PABPC1L: variants seen among roughly 807,000 people sequenced by gnomAD.
The protein encoded by PABPC1L is polyadenylate-binding protein 1-like.
PABPC1L carries 31 observed loss-of-function variants against 66.6 expected under a neutral mutation model. That is an observed-to-expected ratio of 0.47 (90% confidence interval 0.35 to 0.63). PABPC1L has a LOEUF of 0.63. PABPC1L is among the 20% of genes least tolerant of loss of function. PABPC1L has a pLI of 0.00. For missense variants in PABPC1L, 722 were observed against 848.8 expected (o/e 0.85, Z 1.86); for synonymous variants, 348 against 335.1 (o/e 1.04, Z -0.42).
At chr20:44,928,864 C>CAAAAAAAAA (rs10597679) in intron 7 of PABPC1L, among the ~76,000 whole-genome samples, 22 of 54,332 alleles carry the variant, frequency 4.0e-4, no homozygotes, top group African/African-American at 1.0e-3. Flanking sequence ...GATCCTGACT[C>CAAAAAAAAA]AAAAAAAAAA....
chr20:44,931,023 C>CT (rs1394382470), intron 8 of PABPC1L, among the ~76,000 whole-genome samples: 3 of 59,568 alleles, frequency 5.0e-5, no homozygotes, highest in African/African-American at 2.0e-4. Context: ...CTTCCCTTCC[C>CT]TCCCTTCCCT....
At chr20:44,923,602 C>G (rs950047403) in intron 6 of PABPC1L, among the ~76,000 whole-genome samples, 1 of 151,462 alleles carries the variant, frequency 6.6e-6, no homozygotes, top group Non-Finnish European at 1.5e-5. Flanking sequence ...GCACTCCAGC[C>G]TAGGCAACAA....
chr20:44,933,120 A>T lies in PABPC1L; in HGVS notation c.1394A>T (p.His465Leu). Reference protein sequence around the residue: ...PPVVPRRPPAHISSVRQASTQ... With the variant: ...PPVVPRRPPALISSVRQASTQ... ...GTTGTGCCTCGGCGCCCCCCGGCCC[A>T]CATCAGCAGTGTCAGGCAGGCCTCC... Residue 465 changes from histidine (H) to leucine (L), a missense_variant, in exon 10 of 15, where the codon CAC becomes CTC. Transcript: ENST00000217073. 6.2e-7 allele frequency: 1 copy of T among 1,609,376 alleles called. No individual in the cohort carries two copies.
chr20:44,932,227 T>G (rs1239500261), intron 8 of PABPC1L, 115 bp from the exon 9 acceptor site: 3 of 691,806 alleles, frequency 4.3e-6, no homozygotes, highest in Non-Finnish European at 4.7e-6. Flanking sequence ...GGGTCTTGAC[T>G]CACCAGTCCC....
chr20:44,917,224 C>G (rs1181313871), intron 3 of PABPC1L, among the ~76,000 whole-genome samples: 1 of 152,088 alleles, frequency 6.6e-6, no homozygotes, highest in African/African-American at 2.4e-5. Flanking sequence ...GCTATGTAGC[C>G]CAGGCTGGAG....
At chr20:44,914,203 A>ATTT (rs2066723248) in intron 2 of PABPC1L, among the ~76,000 whole-genome samples, 6 of 105,928 alleles carry the variant, frequency 5.7e-5, no homozygotes, top group African/African-American at 1.3e-4. Context: ...ATGTGTCAGA[A>ATTT]CTTTTTTTTT....
At chr20:44,921,786 G>A (rs554448509) in intron 6 of PABPC1L, 55 bp downstream of exon 6, 18 of 1,602,396 alleles carry the variant, frequency 1.1e-5, no homozygotes, top group East Asian at 2.2e-5. Context: ...GCTGTGTGTC[G>A]GGGGCCCTGA....
rs552732118 is a variant in PABPC1L, at chr20:44,910,104, C to T, written c.-40C>T. ...GTGAGCGCGGGGCTGCTGGGTGACC[C>T]GGCTCCTGCTTGCCCCGCAGCCCCG... On this transcript the variant is annotated 5_prime_UTR_variant, in exon 1 of 15. Transcript: ENST00000217073. 1.2e-4 allele frequency: 177 copies of T among 1,505,466 alleles called. 1 individual carries two copies. Among genetic ancestry groups the T allele is most frequent in the Admixed American group, 3.9e-4 (19 of 48,698 alleles). The allele number at this position is 1,505,466 out of a possible 1,614,324, so 93.3% of individuals were successfully genotyped here.
At chr20:44,930,078 C>T (rs1357990193) in intron 7 of PABPC1L, among the ~76,000 whole-genome samples, 1 of 152,092 alleles carries the variant, frequency 6.6e-6, no homozygotes, top group African/African-American at 2.4e-5. Flanking sequence ...GTGGGAGCCG[C>T]GATGCCTCCC....
At chr20:44,935,312 G>GTTGTT (rs756008402) in intron 10 of PABPC1L, 79 bp from the exon 11 acceptor site, 200 of 1,016,278 alleles carry the variant, frequency 2.0e-4, no homozygotes, top group African/African-American at 1.9e-4. Context: ...CTGTTTTGGT[G>GTTGTT]TTGTTTTGTT....
intron 6 of PABPC1L, among the ~76,000 whole-genome samples, chr20:44,923,527 G>A (rs576937415): frequency 2.1e-4 from 32 of 152,150 alleles, no homozygotes; most frequent in Admixed American, 1.8e-3. Context: ...TACTTGGGAG[G>A]CTGAGGCAGG....
intron 10 of PABPC1L, among the ~76,000 whole-genome samples, chr20:44,934,471 A>G (rs2066885422): frequency 6.6e-6 from 1 of 152,082 alleles, no homozygotes; most frequent in South Asian, 2.1e-4. Flanking sequence ...TACCCATCAA[A>G]CCATAACTTC....
chr20:44,918,997 C>T lies in PABPC1L; in HGVS notation c.595C>T (p.Pro199Ser), dbSNP rs750102053. 1 of 1,613,590 alleles carries T rather than the reference C, an allele frequency of 6.2e-7. No individual in the cohort carries two copies. Among genetic ancestry groups the T allele is most frequent in the Non-Finnish European group, 8.5e-7 (1 of 1,179,780 alleles). ...EFTNIYVKNL[P>S]VDVDEQGLQD... ...CACCAACATCTACGTGAAGAACCTC[C>T]CGGTGGATGTGGACGAGCAAGGCCT... Residue 199 changes from proline (P) to serine (S), a missense_variant, in exon 4 of 15, where the codon CCG becomes TCG. Physicochemically the swap from Pro to Ser is moderately conservative, Grantham distance 74. Around this residue, in one of 3 missense-constraint regions of PABPC1L, gnomAD observed 284 missense variants for 294.8 expected, o/e 0.96. Transcript: ENST00000217073.
chr20:44,936,807 C>G, intron 12 of PABPC1L, 77 bp downstream of exon 12: 1 of 1,415,444 alleles, frequency 7.1e-7, no homozygotes, highest in South Asian at 1.2e-5. Context: ...AAACACCTCA[C>G]CTGGTGGTCC....
At chr20:44,919,650 G>C (rs2066759846) in intron 5 of PABPC1L, among the ~76,000 whole-genome samples, 1 of 152,156 alleles carries the variant, frequency 6.6e-6, no homozygotes, top group African/African-American at 2.4e-5. Flanking sequence ...CCAGTGGTTT[G>C]AGTCCAGCCT....
At chr20:44,926,682 G>A (rs2066812020) in intron 7 of PABPC1L, among the ~76,000 whole-genome samples, 1 of 152,000 alleles carries the variant, frequency 6.6e-6, no homozygotes, top group South Asian at 2.1e-4. Context: ...GAGTAGCTGG[G>A]ATTACAGGCG....
Position 44,919,220 on chromosome 20 carries a change from C to T in PABPC1L, c.681C>T (p.Ser227=), listed in dbSNP as rs112082172. ...GTGTGAAGGTGATGAGGGACAACAG[C>T]GGCCACTCGCGGTGCTTTGGCTTTG... ...MLSVKVMRDN[S]GHSRCFGFVN... The change falls in exon 5 of 15, where the codon AGC becomes AGT. Residue 227 remains serine, a synonymous_variant. Transcript: ENST00000217073. The T allele has an allele frequency of 2.4e-5, 38 of 1,614,198 alleles. No individual in the cohort carries two copies. In the East Asian group the frequency reaches 3.8e-4, roughly 16 times the overall value.
chr20:44,915,677 TA>T (rs1322149024), intron 2 of PABPC1L, among the ~76,000 whole-genome samples: 1 of 151,726 alleles, frequency 6.6e-6, no homozygotes, highest in African/African-American at 2.4e-5. Flanking sequence ...CATGCACCTG[TA>T]ATCTCAGCTA....
At chr20:44,916,716 T>C (rs766331095) in intron 2 of PABPC1L, 40 bp from the exon 3 acceptor site, 2 of 1,592,690 alleles carry the variant, frequency 1.3e-6, no homozygotes, top group South Asian at 2.2e-5. Flanking sequence ...ACCTGAACCC[T>C]CTGTCAGTAC....
Sources: gnomAD v4.1 joint callset for allele counts (sites outside exome capture counted in the v4.1 genomes callset) on GRCh38, gnomAD v4.1.1 for gene constraint, gnomAD v4.1.1 regional missense constraint, MANE v1.5 for transcripts, NCBI Gene and HGNC (gene_info 2026-07-23, HGNC 2026-07-21) for gene names.